SLC2A10: variants seen among roughly 807,000 people sequenced by gnomAD.
The protein encoded by SLC2A10 is solute carrier family 2 member 10.
SLC2A10 carries 25 observed loss-of-function variants against 32.1 expected under a neutral mutation model. The ratio of observed to expected loss-of-function variants is 0.78; its 90% confidence interval spans 0.57 to 1.09. SLC2A10 has a LOEUF of 1.09. Among genes scored for constraint, SLC2A10 ranks in the 50% least tolerant of loss-of-function variants. The pLI is 0.00. For synonymous variants in SLC2A10, 332 were observed against 309.6 expected, an observed-to-expected ratio of 1.07 and a Z score of -0.76; for missense variants, 673 against 686.5, an observed-to-expected ratio of 0.98 and a Z score of 0.22.
chr20:46,728,243 A>G (rs147149373), intron 3 of SLC2A10, among the ~76,000 whole-genome samples: 433 of 152,246 alleles, frequency 2.8e-3, no homozygotes, highest in African/African-American at 9.9e-3. Context: ...CTTCCAGCCC[A>G]TTGCTCTCCC....
chr20:46,734,206 C>G lies in SLC2A10; in HGVS notation c.*372C>G. The G allele has an allele frequency of 3.2e-6, 1 of 313,388 alleles. No homozygotes were observed. The highest frequency in any genetic ancestry group is 6.1e-6 in the Non-Finnish European group (1 of 164,338). 19.4% of individuals were successfully genotyped at this position (313,388 alleles called of 1,614,324 possible). A position where few individuals can be genotyped will look rare whatever the true frequency, so the allele number is the denominator to read the frequency against. ...GTCTCTCCCGATATCACCCCTAAAT[C>G]CAAATGAGGATATCATCTTTTCTAA... On this transcript the variant is annotated 3_prime_UTR_variant, in exon 5 of 5. Coordinates refer to ENST00000359271, the MANE Select transcript of SLC2A10 (RefSeq NM_030777.4).
Position 46,725,882 on chromosome 20 carries a change from A to T in SLC2A10, c.846A>T (p.Ala282=). Reference sequence around the variant, plus strand: ...TGGGGCTTGGCGCAGTGAAGGTGGCAGCTACCCTGACCGCCATGGGGCTGG... The same window carrying T: ...TGGGGCTTGGCGCAGTGAAGGTGGCTGCTACCCTGACCGCCATGGGGCTGG... ...ASVGLGAVKV[A]ATLTAMGLVD... The change falls in exon 2 of 5, where the codon GCA becomes GCT. Residue 282 remains alanine (A), a synonymous_variant. Coordinates refer to ENST00000359271, the MANE Select transcript of SLC2A10 (RefSeq NM_030777.4). 1 of 1,614,184 alleles carries T rather than the reference A, an allele frequency of 6.2e-7. No homozygotes were observed. The highest frequency in any genetic ancestry group is 1.1e-5 in the South Asian group (1 of 91,088).
Position 46,726,407 on chromosome 20 carries a change from C to A in SLC2A10, c.1288+83C>A, listed in dbSNP as rs1357407122. Reference sequence around the variant, plus strand: ...TTTGGGGACTTCCCACCCTGATGACCTGGCAGGGTGTCAGTGGGGCACTAG... The same window carrying A: ...TTTGGGGACTTCCCACCCTGATGACATGGCAGGGTGTCAGTGGGGCACTAG... On this transcript the variant is annotated intron_variant, in intron 2 of 4. Coordinates refer to ENST00000359271, the MANE Select transcript of SLC2A10 (RefSeq NM_030777.4). 1.9e-6 allele frequency: 3 copies of A among 1,547,914 alleles called. No homozygotes were observed. In the African/African-American group the frequency reaches 4.1e-5, roughly 21 times the overall value.
intron 4 of SLC2A10, among the ~76,000 whole-genome samples, chr20:46,730,836 T>C (rs987763988): frequency 2.0e-5 from 3 of 152,196 alleles, no homozygotes; most frequent in African/African-American, 7.2e-5. Flanking sequence ...TATCCCCAGT[T>C]ACCTCTTAAA....
At chr20:46,715,414 C>G (rs571929606) in intron 1 of SLC2A10, among the ~76,000 whole-genome samples, 1 of 152,026 alleles carries the variant, frequency 6.6e-6, no homozygotes, top group Non-Finnish European at 1.5e-5. Context: ...GCTTTCACCT[C>G]GATTGCTTCA....
intron 1 of SLC2A10, among the ~76,000 whole-genome samples, chr20:46,721,437 C>CAAAAAAAAAA (rs763252434): frequency 8.6e-6 from 1 of 116,034 alleles, no homozygotes. Flanking sequence ...CCTCAATTAG[C>CAAAAAAAAAA]AAAAAAAAAA....
At chr20:46,723,458 G>C (rs1979672516) in intron 1 of SLC2A10, among the ~76,000 whole-genome samples, 1 of 152,106 alleles carries the variant, frequency 6.6e-6, no homozygotes, top group Non-Finnish European at 1.5e-5. Context: ...AAAAAGGGGT[G>C]AATGGACATT....
chr20:46,709,683 G>A lies in SLC2A10; in HGVS notation c.-54G>A, dbSNP rs1174694003. 1.3e-6 allele frequency: 2 copies of A among 1,534,304 alleles called. No individual in the cohort carries two copies. The highest frequency in any genetic ancestry group is 8.8e-7 in the Non-Finnish European group (1 of 1,141,162). ...CAGCGGCGTTGGGGACTCCGGCGGG[G>A]GATGCGCGCCCGGCCCCTCAGCGCC... On this transcript the variant is annotated 5_prime_UTR_variant, in exon 1 of 5. Coordinates refer to ENST00000359271, the MANE Select transcript of SLC2A10 (RefSeq NM_030777.4).
chr20:46,713,581 C>T (rs1234999960), intron 1 of SLC2A10, among the ~76,000 whole-genome samples: 2 of 152,094 alleles, frequency 1.3e-5, no homozygotes, highest in African/African-American at 4.8e-5. Flanking sequence ...ACGGTGAGGA[C>T]GTTGGCTTTT....
At chr20:46,716,703 A>G (rs1979262469) in intron 1 of SLC2A10, among the ~76,000 whole-genome samples, 1 of 152,094 alleles carries the variant, frequency 6.6e-6, no homozygotes, top group South Asian at 2.1e-4. Flanking sequence ...TATGTACACT[A>G]ATATAAATAA....
chr20:46,715,724 C>G (rs1215217715), intron 1 of SLC2A10, among the ~76,000 whole-genome samples: 1 of 152,232 alleles, frequency 6.6e-6, no homozygotes, highest in African/African-American at 2.4e-5. Flanking sequence ...AGCAAGAGAA[C>G]AGAGTGAAAT....
At chr20:46,731,295 G>A (rs1223575421) in intron 4 of SLC2A10, among the ~76,000 whole-genome samples, 1 of 152,164 alleles carries the variant, frequency 6.6e-6, no homozygotes, top group African/African-American at 2.4e-5. Flanking sequence ...GGGAAGGGGT[G>A]GGCACAGTCC....
Position 46,715,260 on chromosome 20 carries a change from A to C in SLC2A10, c.4+5520A>C, listed in dbSNP as rs199629410. Among the ~76,000 whole-genome samples the C allele has an allele frequency of 2.7e-4, 31 of 114,914 alleles. No homozygotes were observed. In the Admixed American group the frequency reaches 2.7e-3, roughly 10 times the overall value. The allele number at this position is 114,914 out of a possible 152,430, so 75.4% of individuals were successfully genotyped here. A position where few individuals can be genotyped will look rare whatever the true frequency, so the allele number is the denominator to read the frequency against. On this transcript the variant is annotated intron_variant, in intron 1 of 4. Transcript: ENST00000359271. ...TTTGTTTGTTTGTTTGTTTGTTTCTATTGTCCATTGGCCTTATTGTCCATT... is the reference window on the plus strand; with the variant it reads ...TTTGTTTGTTTGTTTGTTTGTTTCTCTTGTCCATTGGCCTTATTGTCCATT...
intron 3 of SLC2A10, among the ~76,000 whole-genome samples, chr20:46,727,251 C>T (rs1426581630): frequency 1.3e-5 from 2 of 152,184 alleles, no homozygotes. Flanking sequence ...TGTTTATTTG[C>T]TCCAAACTGG....
chr20:46,711,195 T>C (rs1978892443), intron 1 of SLC2A10, among the ~76,000 whole-genome samples: 1 of 152,222 alleles, frequency 6.6e-6, no homozygotes, highest in Non-Finnish European at 1.5e-5. Flanking sequence ...TGAGTCGTTC[T>C]GTGGAGAATC....
chr20:46,724,824 G>GATGGATGA (rs1222172357), intron 1 of SLC2A10, among the ~76,000 whole-genome samples: 2 of 149,972 alleles, frequency 1.3e-5, no homozygotes, highest in African/African-American at 4.9e-5. Context: ...TGGATGGATG[G>GATGGATGA]ATGGATGGAT....
chr20:46,718,754 G>A (rs2123021187), intron 1 of SLC2A10, among the ~76,000 whole-genome samples: 1 of 151,944 alleles, frequency 6.6e-6, no homozygotes, highest in South Asian at 2.1e-4. Flanking sequence ...TTTATGCCAA[G>A]TAATTTAGAT....
intron 1 of SLC2A10, among the ~76,000 whole-genome samples, chr20:46,723,286 C>T (rs1979662398): frequency 6.6e-6 from 1 of 151,972 alleles, no homozygotes; most frequent in African/African-American, 2.4e-5. Context: ...GAAAAAAGGG[C>T]AAAAAAGATC....
At chr20:46,729,625 G>C (rs1980171444) in intron 4 of SLC2A10, 137 bp downstream of exon 4, 1 of 314,756 alleles carries the variant, frequency 3.2e-6, no homozygotes, top group Non-Finnish European at 5.4e-6. Flanking sequence ...GGCACTATGA[G>C]TTTTTTTTTT....
Sources: allele counts gnomAD v4.1 joint callset (sites outside exome capture counted in the v4.1 genomes callset), GRCh38; gene constraint gnomAD v4.1.1; transcripts MANE v1.5; gene names NCBI Gene and HGNC (gene_info 2026-07-23, HGNC 2026-07-21).